Variants in PCDH15 observed in about 807,000 individuals in gnomAD.
PCDH15 encodes protocadherin-15.
PCDH15 carries 129 observed loss-of-function variants against 178.5 expected under a neutral mutation model. That is an observed-to-expected ratio of 0.72 (90% CI 0.63 to 0.84). The LOEUF is 0.84. Among genes scored for constraint, PCDH15 ranks in the 40% least tolerant of loss-of-function variants. The pLI, the probability that PCDH15 is intolerant of heterozygous loss-of-function variation, is 0.00. For synonymous variants in PCDH15, 800 were observed against 732.0 expected (o/e 1.09, Z -1.50); for missense variants, 2,230 against 2,099.9 (o/e 1.06, Z -1.21).
At chr10:54,077,193 T>G (rs906867537) in intron 17 of PCDH15, among the ~76,000 whole-genome samples, 13 of 152,122 alleles carry the variant, frequency 8.5e-5, no homozygotes, top group African/African-American at 3.1e-4. Flanking sequence ...GAACACAAAA[T>G]TTACTCAGAA....
rs1016220652 is a variant in PCDH15, at chr10:54,884,554, C to G, written c.-29+12896G>C. On this transcript the variant is annotated intron_variant, in intron 3 of 5. Coordinates refer to the PCDH15 transcript ENST00000458638. ...CTGACTTTCATCAATAGTTCTTAGA[C>G]ATATTTAAGCCCTCAGGACCAGATT... is the stretch of plus-strand genomic sequence containing the variant. Among the ~76,000 whole-genome samples, 3 of 151,412 alleles carry G rather than the reference C, an allele frequency of 2.0e-5. No individual in the cohort carries two copies. The South Asian group carries it at 6.2e-4, about 32-fold the overall frequency.
chr10:53,839,833 A>C (rs1039924054), intron 29 of PCDH15, among the ~76,000 whole-genome samples: 1 of 152,204 alleles, frequency 6.6e-6, no homozygotes, highest in Non-Finnish European at 1.5e-5. Flanking sequence ...GCATGAACTT[A>C]AATGGGAATG....
chr10:54,891,951 C>T (rs771209910), intron 3 of PCDH15, among the ~76,000 whole-genome samples: 1 of 152,098 alleles, frequency 6.6e-6, no homozygotes, highest in East Asian at 1.9e-4. Flanking sequence ...TCTGGGGGAA[C>T]AAGGAATGTC....
chr10:53,863,040 A>G (rs1003674835), intron 27 of PCDH15, among the ~76,000 whole-genome samples: 2 of 152,214 alleles, frequency 1.3e-5, no homozygotes, highest in Non-Finnish European at 2.9e-5. Flanking sequence ...AATGTGATGA[A>G]GAAGAGAAAT....
chr10:55,575,100 T>C (rs949294215), intron 2 of PCDH15, among the ~76,000 whole-genome samples: 17 of 152,080 alleles, frequency 1.1e-4, no homozygotes, highest in East Asian at 3.9e-4. Flanking sequence ...GTCCTAAGGA[T>C]TGCAGTGGAA....
intron 2 of PCDH15, among the ~76,000 whole-genome samples, chr10:55,332,816 T>C (rs2132312153): frequency 6.6e-6 from 1 of 152,324 alleles, no homozygotes; most frequent in Middle Eastern, 3.4e-3. Flanking sequence ...GCCTTTCGCC[T>C]TCTGCCTTGA....
chr10:55,587,308 T>A (rs1487949794), intron 2 of PCDH15, among the ~76,000 whole-genome samples: 1 of 152,184 alleles, frequency 6.6e-6, no homozygotes, highest in Non-Finnish European at 1.5e-5. Context: ...TATGTTTACA[T>A]TCTATTTAAA....
chr10:55,004,246 T>A (rs990558957), intron 2 of PCDH15, among the ~76,000 whole-genome samples: 1 of 152,028 alleles, frequency 6.6e-6, no homozygotes, highest in African/African-American at 2.4e-5. Context: ...AGTATGAAGT[T>A]GCCCACAAAG....
rs988715534 is a variant in PCDH15, at chr10:54,835,218, G to A, written c.-29+62232C>T. Among the ~76,000 whole-genome samples the A allele has an allele frequency of 9.9e-5, 15 of 152,244 alleles. No individual in the cohort carries two copies. The East Asian group carries it at 2.9e-3, about 29-fold the overall frequency. ...GTAGACTTCAGCAGGAGAAGGAATA[G>A]AAGCATATCTTCATGGTCGCAATGA... On this transcript the variant is annotated intron_variant, in intron 3 of 5. Coordinates refer to the PCDH15 transcript ENST00000458638.
chr10:54,724,374 A>G (rs1942129341), intron 1 of PCDH15, among the ~76,000 whole-genome samples: 1 of 151,684 alleles, frequency 6.6e-6, no homozygotes, highest in Non-Finnish European at 1.5e-5. Context: ...CAGAGACTCA[A>G]AAATGAGCGA....
chr10:55,420,293 TG>T (rs1425202809), intron 2 of PCDH15, among the ~76,000 whole-genome samples: 1 of 149,722 alleles, frequency 6.7e-6, no homozygotes, highest in Non-Finnish European at 1.5e-5. Flanking sequence ...ATTGAGTAGC[TG>T]GTAAAGCTCA....
intron 2 of PCDH15, among the ~76,000 whole-genome samples, chr10:54,622,635 T>TA (rs2093402201): frequency 1.0e-4 from 4 of 40,186 alleles, no homozygotes; most frequent in African/African-American, 2.2e-4. Flanking sequence ...ATAATATATA[T>TA]TATATAATTA....
intron 3 of PCDH15, among the ~76,000 whole-genome samples, chr10:54,518,702 C>T (rs1335481358): frequency 2.0e-5 from 3 of 152,194 alleles, no homozygotes; most frequent in Non-Finnish European, 4.4e-5. Flanking sequence ...TCCTCCCTAA[C>T]TCATTTTATG....
intron 3 of PCDH15, among the ~76,000 whole-genome samples, chr10:54,431,545 A>ATGTTCAAC (rs1956971181): frequency 6.6e-6 from 1 of 152,208 alleles, no homozygotes; most frequent in Non-Finnish European, 1.5e-5. Context: ...GTATTTGATA[A>ATGTTCAAC]TGTTCAACAA....
chr10:54,609,798 C>T (rs1272671282), intron 2 of PCDH15, among the ~76,000 whole-genome samples: 2 of 151,900 alleles, frequency 1.3e-5, no homozygotes, highest in African/African-American at 4.8e-5. Context: ...CACTAAATAT[C>T]TATAGAAAGT....
chr10:54,121,753 G>A (rs1261662078), intron 15 of PCDH15, among the ~76,000 whole-genome samples: 1 of 152,002 alleles, frequency 6.6e-6, no homozygotes, highest in East Asian at 1.9e-4. Flanking sequence ...ATTGAATCGG[G>A]AAGAAATTGA....
intron 26 of PCDH15, among the ~76,000 whole-genome samples, chr10:53,896,008 A>C (rs1410093736): frequency 6.6e-6 from 1 of 152,206 alleles, no homozygotes; most frequent in East Asian, 1.9e-4. Context: ...ATCCAGACTT[A>C]CTGAGCTTCA....
intron 15 of PCDH15, among the ~76,000 whole-genome samples, chr10:54,101,603 GACAA>G (rs565616564): frequency 7.9e-5 from 12 of 152,118 alleles, no homozygotes; most frequent in Non-Finnish European, 1.5e-4. Context: ...CTTCTCCAAT[GACAA>G]AGTGAGGAGC....
chr10:54,620,764 A>G (rs896415526), intron 2 of PCDH15, among the ~76,000 whole-genome samples: 6 of 152,168 alleles, frequency 3.9e-5, no homozygotes, highest in Admixed American at 3.3e-4. Context: ...GTATTTTGCA[A>G]TAGAATTGCA....
Sources: gnomAD v4.1 joint callset for allele counts (sites outside exome capture counted in the v4.1 genomes callset) on GRCh38, gnomAD v4.1.1 for gene constraint, MANE v1.5 for transcripts, NCBI Gene and HGNC (gene_info 2026-07-23, HGNC 2026-07-21) for gene names.